RBFOX1: variants seen among roughly 807,000 people sequenced by gnomAD.
RBFOX1 encodes RNA binding fox-1 homolog 1.
In RBFOX1, 8 loss-of-function variants were observed where a neutral mutation model predicts 57.7. That is an observed-to-expected ratio of 0.14 (90% CI 0.08 to 0.25). The LOEUF (loss-of-function observed/expected upper bound fraction) is 0.25. RBFOX1 is among the 10% of genes least tolerant of loss of function. RBFOX1 has a pLI of 1.00. For synonymous variants in RBFOX1, 326 were observed against 222.4 expected, an observed-to-expected ratio of 1.47 and a Z score of -4.15; for missense variants, 611 against 548.5, an observed-to-expected ratio of 1.11 and a Z score of -1.14.
At chr16:6,493,356 G>A (rs1248941663) in intron 2 of RBFOX1, among the ~76,000 whole-genome samples, 1 of 152,122 alleles carries the variant, frequency 6.6e-6, no homozygotes, top group East Asian at 1.9e-4. Flanking sequence ...TTTGACCACA[G>A]AAGAAAATCA....
At chr16:7,176,714 A>G (rs2081732986) in intron 4 of RBFOX1, among the ~76,000 whole-genome samples, 1 of 152,206 alleles carries the variant, frequency 6.6e-6, no homozygotes, top group Non-Finnish European at 1.5e-5. Context: ...TGAAACAATG[A>G]ACACAATAAG....
At chr16:6,556,277 A>C (rs1165907834) in intron 2 of RBFOX1, among the ~76,000 whole-genome samples, 1 of 152,186 alleles carries the variant, frequency 6.6e-6, no homozygotes, top group East Asian at 1.9e-4. Flanking sequence ...CATCTTTGTC[A>C]GTCAGGGGGA....
chr16:6,760,586 T>C (rs773998671), intron 3 of RBFOX1, among the ~76,000 whole-genome samples: 5 of 152,210 alleles, frequency 3.3e-5, no homozygotes, highest in Non-Finnish European at 7.3e-5. Flanking sequence ...CATTTGATCT[T>C]GTTTTGCGTT....
At chr16:7,475,539 C>G (rs530503391) in intron 4 of RBFOX1, among the ~76,000 whole-genome samples, 10 of 152,214 alleles carry the variant, frequency 6.6e-5, no homozygotes, top group African/African-American at 2.2e-4. Context: ...TAGTCTTGAT[C>G]TCCTGACCTC....
chr16:6,176,359 A>G (rs1277571172), intron 1 of RBFOX1, among the ~76,000 whole-genome samples: 11 of 127,606 alleles, frequency 8.6e-5, no homozygotes, highest in Admixed American at 8.4e-4. Context: ...GGGTTTCGCC[A>G]TGTTGGCCAG....
chr16:5,856,939 T>A lies in RBFOX1; in HGVS notation c.319-10364T>A, dbSNP rs540283299. Reference sequence around the variant, plus strand: ...ACTGGAGTAGCAATTTAAATTTCTTTCAGTAACTTTTCTTTTGCATACACA... The same window carrying A: ...ACTGGAGTAGCAATTTAAATTTCTTACAGTAACTTTTCTTTTGCATACACA... On this transcript the variant is annotated intron_variant, in intron 3 of 19. Transcript: ENST00000641259. Among the ~76,000 whole-genome samples the A allele has an allele frequency of 9.2e-5, 14 of 152,266 alleles. 1 individual carries two copies. The South Asian group carries it at 2.9e-3, about 32-fold the overall frequency.
chr16:5,306,280 T>C (rs2063930969), intron 1 of RBFOX1, among the ~76,000 whole-genome samples: 1 of 152,090 alleles, frequency 6.6e-6, no homozygotes, highest in African/African-American at 2.4e-5. Flanking sequence ...TCCCTACTAA[T>C]ATTCCAGATA....
chr16:7,269,171 T>G (rs1248803059), intron 4 of RBFOX1, among the ~76,000 whole-genome samples: 1 of 152,036 alleles, frequency 6.6e-6, no homozygotes, highest in Non-Finnish European at 1.5e-5. Context: ...ATGAGCAGTT[T>G]CCGGTTATTC....
chr16:6,212,264 C>G (rs943382463), intron 1 of RBFOX1, among the ~76,000 whole-genome samples: 13 of 151,986 alleles, frequency 8.6e-5, no homozygotes, highest in African/African-American at 2.9e-4. Context: ...AGTATATATA[C>G]TATGATTACT....
At chr16:7,058,412 T>C (rs1006117132) in intron 4 of RBFOX1, among the ~76,000 whole-genome samples, 5 of 152,202 alleles carry the variant, frequency 3.3e-5, no homozygotes, top group African/African-American at 9.6e-5. Context: ...GTTTGCAAAA[T>C]ACACTATTAA....
intron 4 of RBFOX1, among the ~76,000 whole-genome samples, chr16:6,009,816 C>CTCTGTGTGTGTGTGTG (rs1555469438): frequency 8.1e-5 from 12 of 148,528 alleles, no homozygotes; most frequent in South Asian, 2.2e-4. Context: ...GTGTGTGTGT[C>CTCTGTGTGTGTGTGTG]TGTGTGTGTG....
At chr16:5,988,551 AC>A (rs1022208630) in intron 4 of RBFOX1, among the ~76,000 whole-genome samples, 1 of 151,862 alleles carries the variant, frequency 6.6e-6, no homozygotes, top group African/African-American at 2.4e-5. Flanking sequence ...ATCTGCTGTT[AC>A]CCCCTTCCTG....
At chr16:7,412,709 T>C (rs2098441255) in intron 4 of RBFOX1, among the ~76,000 whole-genome samples, 1 of 152,192 alleles carries the variant, frequency 6.6e-6, no homozygotes, top group African/African-American at 2.4e-5. Flanking sequence ...AACAAATTTG[T>C]ATGGCTTTTT....
intron 2 of RBFOX1, among the ~76,000 whole-genome samples, chr16:6,422,912 A>G (rs1450931083): frequency 6.6e-6 from 1 of 152,200 alleles, no homozygotes; most frequent in Non-Finnish European, 1.5e-5. Flanking sequence ...AATATGCAGT[A>G]TTCAGTTTTC....
intron 2 of RBFOX1, among the ~76,000 whole-genome samples, chr16:5,506,790 C>T (rs776889877): frequency 5.3e-5 from 8 of 152,110 alleles, no homozygotes; most frequent in Non-Finnish European, 2.9e-5. Context: ...CTGTTGGGTA[C>T]GACCACTGGG....
intron 2 of RBFOX1, among the ~76,000 whole-genome samples, chr16:5,559,706 C>G (rs9925575): frequency 6.6e-6 from 1 of 152,158 alleles, no homozygotes; most frequent in African/African-American, 2.4e-5. Flanking sequence ...TCCCAAATCT[C>G]TTTCTTCCTA....
intron 3 of RBFOX1, among the ~76,000 whole-genome samples, chr16:6,680,365 C>G (rs542079807): frequency 9.7e-4 from 145 of 149,170 alleles, no homozygotes; most frequent in African/African-American, 3.4e-3. Context: ...CGGGTTCACG[C>G]CATTCTCCTG....
intron 2 of RBFOX1, among the ~76,000 whole-genome samples, chr16:6,602,608 C>G (rs775046662): frequency 6.6e-6 from 1 of 152,162 alleles, no homozygotes; most frequent in African/African-American, 2.4e-5. Flanking sequence ...CTGGGAAAGC[C>G]TTCTCCTGGC....
chr16:7,489,113 A>G (rs1289450422), intron 4 of RBFOX1, among the ~76,000 whole-genome samples: 1 of 151,874 alleles, frequency 6.6e-6, no homozygotes, highest in Non-Finnish European at 1.5e-5. Flanking sequence ...CATTTTTCTC[A>G]TTCTGTCCAA....
Sources: allele counts gnomAD v4.1 joint callset (sites outside exome capture counted in the v4.1 genomes callset), GRCh38; gene constraint gnomAD v4.1.1; transcripts MANE v1.5; gene names NCBI Gene and HGNC (gene_info 2026-07-23, HGNC 2026-07-21).